Variants in CCDC178 observed in about 807,000 individuals in gnomAD.
CCDC178 encodes the protein coiled-coil domain-containing protein 178.
Under a neutral mutation model 117.4 loss-of-function variants are expected in CCDC178, and 126 were observed. The observed-to-expected ratio is 1.07, with a 90% CI of 0.93 to 1.24. CCDC178 has a LOEUF of 1.24. Ranked by LOEUF, CCDC178 falls within the 50% of genes most tolerant of loss-of-function variation. The pLI, the probability that CCDC178 is intolerant of heterozygous loss-of-function variation, is 0.00. For missense variants in CCDC178, 1,030 were observed against 986.9 expected (o/e 1.04, Z -0.59); for synonymous variants, 283 against 313.4 (o/e 0.90, Z 1.02).
intron 14 of CCDC178, among the ~76,000 whole-genome samples, chr18:33,250,922 T>C (rs532344735): frequency 6.6e-6 from 1 of 151,702 alleles, no homozygotes; most frequent in Non-Finnish European, 1.5e-5. Context: ...AAAGACAAAT[T>C]ATTTACAAAG....
chr18:33,234,381 G>A (rs1337179937), intron 15 of CCDC178, among the ~76,000 whole-genome samples: 1 of 151,902 alleles, frequency 6.6e-6, no homozygotes, highest in African/African-American at 2.4e-5. Context: ...TTCTGCCTAT[G>A]AATGGAGTGG....
At chr18:33,304,333 G>C (rs2062220009) in intron 11 of CCDC178, among the ~76,000 whole-genome samples, 1 of 152,108 alleles carries the variant, frequency 6.6e-6, no homozygotes, top group Non-Finnish European at 1.5e-5. Context: ...TCAAAGGTGG[G>C]TGGACTGAAA....
intron 21 of CCDC178, among the ~76,000 whole-genome samples, chr18:33,007,562 C>G (rs1234354344): frequency 6.6e-6 from 1 of 152,018 alleles, no homozygotes; most frequent in Non-Finnish European, 1.5e-5. Flanking sequence ...GACCCAAAGT[C>G]AAGGAAACAG....
intron 11 of CCDC178, among the ~76,000 whole-genome samples, chr18:33,314,819 AG>A (rs1287677015): frequency 6.6e-6 from 1 of 152,176 alleles, no homozygotes; most frequent in African/African-American, 2.4e-5. Flanking sequence ...GTGATGCCTT[AG>A]GTTCACCACA....
chr18:33,345,777 C>T (rs1688824999), intron 9 of CCDC178, among the ~76,000 whole-genome samples: 1 of 152,144 alleles, frequency 6.6e-6, no homozygotes, highest in African/African-American at 2.4e-5. Flanking sequence ...TATCTGTGAA[C>T]CCAGCATTAT....
chr18:33,410,832 C>T (rs2063840242), intron 3 of CCDC178, among the ~76,000 whole-genome samples: 1 of 152,172 alleles, frequency 6.6e-6, no homozygotes, highest in Non-Finnish European at 1.5e-5. Flanking sequence ...GGCACCAGTT[C>T]TGCGCATTGG....
intron 20 of CCDC178, among the ~76,000 whole-genome samples, chr18:33,162,342 A>C (rs983101734): frequency 5.9e-5 from 9 of 152,246 alleles, no homozygotes; most frequent in African/African-American, 2.2e-4. Flanking sequence ...TTTAAAAAAA[A>C]TAATTTGTTA....
Position 33,389,589 on chromosome 18 carries a change from A to C in CCDC178, c.159T>G (p.Ser53=). 1 of 1,531,166 alleles carries C rather than the reference A, an allele frequency of 6.5e-7. No homozygotes were observed. Among genetic ancestry groups the C allele is most frequent in the South Asian group, 1.4e-5 (1 of 73,526 alleles). The allele number at this position is 1,531,166 out of a possible 1,614,324, so 94.8% of individuals were successfully genotyped here. Residue 53 remains serine (S), a synonymous_variant, in exon 5 of 23, where the codon TCT becomes TCG. Coordinates refer to ENST00000383096, the MANE Select transcript of CCDC178 (RefSeq NM_001105528.4). ...CATGAAAACCTTCACTGTTCTCCTT[A>C]GAGGCTCCATATAGAACCAAACTTT... ...MSQSLVLYGA[S]KENSEGFHES...
chr18:32,951,309 G>T (rs1224476070), intron 22 of CCDC178, among the ~76,000 whole-genome samples: 1 of 152,104 alleles, frequency 6.6e-6, no homozygotes, highest in Non-Finnish European at 1.5e-5. Context: ...CTGCTGTGAA[G>T]AAATACCCAA....
At chr18:33,114,812 G>C (rs1467949930) in intron 20 of CCDC178, among the ~76,000 whole-genome samples, 1 of 152,076 alleles carries the variant, frequency 6.6e-6, no homozygotes, top group East Asian at 1.9e-4. Flanking sequence ...TAGGAGAAGT[G>C]AGAAGTGGAG....
At chr18:33,254,157 G>A (rs1262726058) in intron 14 of CCDC178, among the ~76,000 whole-genome samples, 1 of 151,546 alleles carries the variant, frequency 6.6e-6, no homozygotes, top group Non-Finnish European at 1.5e-5. Flanking sequence ...AGAATAGGAG[G>A]ACGGAGATAC....
chr18:33,354,468 CT>C (rs2063024093), intron 7 of CCDC178, among the ~76,000 whole-genome samples: 1 of 151,852 alleles, frequency 6.6e-6, no homozygotes. Context: ...TCTTTATTCT[CT>C]TGTCTTTCTT....
intron 20 of CCDC178, among the ~76,000 whole-genome samples, chr18:33,139,539 C>T (rs746777039): frequency 2.0e-5 from 3 of 152,136 alleles, no homozygotes; most frequent in Non-Finnish European, 2.9e-5. Flanking sequence ...AAAGGTGACT[C>T]TTGCTATGTT....
At chr18:33,399,997 G>A (rs1341783803) in intron 3 of CCDC178, among the ~76,000 whole-genome samples, 1 of 152,050 alleles carries the variant, frequency 6.6e-6, no homozygotes, top group Admixed American at 6.6e-5. Flanking sequence ...CTGCAGGATG[G>A]ATATTGTGTA....
At chr18:33,052,332 C>G (rs2056760176) in intron 21 of CCDC178, among the ~76,000 whole-genome samples, 1 of 152,108 alleles carries the variant, frequency 6.6e-6, no homozygotes, top group Non-Finnish European at 1.5e-5. Context: ...CAGACAAAAG[C>G]TGCAAAATTT....
intron 11 of CCDC178, among the ~76,000 whole-genome samples, chr18:33,304,553 C>T (rs1482558844): frequency 6.6e-6 from 1 of 152,170 alleles, no homozygotes; most frequent in Non-Finnish European, 1.5e-5. Context: ...CACATTCAAG[C>T]GGGGATTTTA....
At chr18:33,306,489 GGTTATA>G in intron 11 of CCDC178, among the ~76,000 whole-genome samples, 2 of 129,812 alleles carry the variant, frequency 1.5e-5, no homozygotes, top group African/African-American at 5.6e-5. Flanking sequence ...TATAATATAT[GGTTATA>G]TATATATGGT....
chr18:32,992,742 T>C (rs774665984), intron 21 of CCDC178, among the ~76,000 whole-genome samples: 3 of 152,228 alleles, frequency 2.0e-5, no homozygotes, highest in Non-Finnish European at 4.4e-5. Flanking sequence ...CTTTCTACAA[T>C]GTACACATAC....
chr18:33,306,798 G>C (rs1171089285), intron 11 of CCDC178, among the ~76,000 whole-genome samples: 1 of 151,806 alleles, frequency 6.6e-6, no homozygotes, highest in Non-Finnish European at 1.5e-5. Flanking sequence ...TGTGTCCTTG[G>C]AGGGACTAGG....
Sources: gnomAD v4.1 joint callset for allele counts (sites outside exome capture counted in the v4.1 genomes callset) on GRCh38, gnomAD v4.1.1 for gene constraint, MANE v1.5 for transcripts, NCBI Gene and HGNC (gene_info 2026-07-23, HGNC 2026-07-21) for gene names.